NTNG1: variants seen among roughly 807,000 people sequenced by gnomAD.
NTNG1 encodes the protein netrin-G1.
In NTNG1, 16 loss-of-function variants were observed where a neutral mutation model predicts 54.0. That is an observed-to-expected ratio of 0.30 (90% confidence interval 0.20 to 0.45). The LOEUF (loss-of-function observed/expected upper bound fraction) is 0.45, where lower values mean the gene tolerates loss of function less well. Among genes scored for constraint, NTNG1 ranks in the 20% least tolerant of loss-of-function variants. NTNG1 has a pLI of 1.00. For synonymous variants in NTNG1, 255 were observed against 263.1 expected (o/e 0.97, Z 0.30); for missense variants, 530 against 678.7 (o/e 0.78, Z 2.43).
In NTNG1 at chr1:107,251,378, C is replaced by A. The variant is rs556315814; in HGVS notation, c.247-72904C>A. Among the ~76,000 whole-genome samples the A allele has an allele frequency of 7.2e-5, 11 of 152,286 alleles. No homozygotes were observed. In the South Asian group the frequency reaches 2.3e-3, roughly 32 times the overall value. On this transcript the variant is annotated intron_variant, in intron 2 of 7. Transcript: ENST00000370068. ...TAATCTTTGTTTCTCTACTTGTATT[C>A]CAGCCAAACCATTCCCCTTTTTGGC...
intron 3 of NTNG1, among the ~76,000 whole-genome samples, chr1:107,326,948 A>G (rs1667992011): frequency 6.6e-6 from 1 of 152,148 alleles, no homozygotes; most frequent in African/African-American, 2.4e-5. Context: ...TGTGTTGGAA[A>G]TGTAGATTCC....
intron 2 of NTNG1, among the ~76,000 whole-genome samples, chr1:107,185,362 G>T (rs144771618): frequency 4.3e-4 from 66 of 152,154 alleles, no homozygotes; most frequent in African/African-American, 1.5e-3. Context: ...GTGGTTGCTG[G>T]CGACCCCTGG....
intron 2 of NTNG1, among the ~76,000 whole-genome samples, chr1:107,226,906 T>C (rs1367338764): frequency 6.6e-6 from 1 of 152,102 alleles, no homozygotes; most frequent in Non-Finnish European, 1.5e-5. Flanking sequence ...TTTGGAATCT[T>C]AAGGATACTG....
At chr1:107,386,145 G>A (rs1400872038) in intron 3 of NTNG1, among the ~76,000 whole-genome samples, 45 of 46,526 alleles carry the variant, frequency 9.7e-4, no homozygotes, top group Non-Finnish European at 1.7e-3. Flanking sequence ...ATATATATAT[G>A]TGTGTATATA....
chr1:107,315,739 A>T (rs975029379), intron 2 of NTNG1, among the ~76,000 whole-genome samples: 5 of 152,090 alleles, frequency 3.3e-5, no homozygotes, highest in African/African-American at 1.2e-4. Context: ...ATATGTAATT[A>T]TATAATTGTT....
chr1:107,186,846 A>C (rs989397863), intron 2 of NTNG1, among the ~76,000 whole-genome samples: 2 of 152,200 alleles, frequency 1.3e-5, no homozygotes, highest in African/African-American at 4.8e-5. Flanking sequence ...GCCATGCCCC[A>C]GAACTAGACA....
intron 2 of NTNG1, among the ~76,000 whole-genome samples, chr1:107,165,808 C>G (rs1570745201): frequency 6.6e-6 from 1 of 152,232 alleles, no homozygotes; most frequent in Middle Eastern, 3.4e-3. Flanking sequence ...TTTATTATGT[C>G]AAAGTAACCT....
At chr1:107,386,088 T>C (rs1237178427) in intron 3 of NTNG1, among the ~76,000 whole-genome samples, 1 of 147,568 alleles carries the variant, frequency 6.8e-6, no homozygotes, top group East Asian at 1.9e-4. Context: ...TATATACTTA[T>C]ATGTATGTAT....
chr1:107,447,700 C>T (rs1358286270), intron 7 of NTNG1, among the ~76,000 whole-genome samples: 3 of 152,036 alleles, frequency 2.0e-5, no homozygotes, highest in Non-Finnish European at 2.9e-5. Context: ...ATGTTCAATA[C>T]GTCCTTTCAA....
At chr1:107,277,113 A>G (rs927254115) in intron 2 of NTNG1, among the ~76,000 whole-genome samples, 1 of 152,200 alleles carries the variant, frequency 6.6e-6, no homozygotes, top group Non-Finnish European at 1.5e-5. Flanking sequence ...AGAATGTTTC[A>G]AACAGCCAAT....
chr1:107,313,055 C>G (rs1667118888), intron 2 of NTNG1, among the ~76,000 whole-genome samples: 1 of 152,124 alleles, frequency 6.6e-6, no homozygotes, highest in African/African-American at 2.4e-5. Flanking sequence ...AATCTTCAGA[C>G]TCCTGACCAG....
intron 2 of NTNG1, among the ~76,000 whole-genome samples, chr1:107,309,516 T>C (rs989689328): frequency 1.3e-5 from 2 of 152,212 alleles, no homozygotes; most frequent in Admixed American, 6.5e-5. Context: ...TCATCTTTTA[T>C]TGACTATCTA....
chr1:107,470,572 T>G (rs1677918684), intron 7 of NTNG1, among the ~76,000 whole-genome samples: 1 of 152,248 alleles, frequency 6.6e-6, no homozygotes, highest in African/African-American at 2.4e-5. Flanking sequence ...CCTTTCATCC[T>G]GGCACAATGC....
intron 2 of NTNG1, among the ~76,000 whole-genome samples, chr1:107,323,862 T>G (rs1473933193): frequency 6.6e-6 from 1 of 152,086 alleles, no homozygotes; most frequent in African/African-American, 2.4e-5. Flanking sequence ...ATTCTAAAGC[T>G]TTGCTTGAAA....
intron 2 of NTNG1, among the ~76,000 whole-genome samples, chr1:107,317,999 G>T (rs1400666941): frequency 6.6e-6 from 1 of 152,176 alleles, no homozygotes; most frequent in Non-Finnish European, 1.5e-5. Context: ...ATGCATAGGT[G>T]CTTTTGTCAC....
At chr1:107,269,724 A>G (rs1200673970) in intron 2 of NTNG1, among the ~76,000 whole-genome samples, 1 of 152,234 alleles carries the variant, frequency 6.6e-6, no homozygotes, top group Non-Finnish European at 1.5e-5. Context: ...GTGTAGAGTA[A>G]GATTCTTATG....
intron 7 of NTNG1, among the ~76,000 whole-genome samples, chr1:107,444,074 G>A (rs1417036404): frequency 2.0e-5 from 3 of 152,058 alleles, no homozygotes; most frequent in Non-Finnish European, 2.9e-5. Context: ...ACTCCTGGGG[G>A]CAAAAAGGAT....
At chr1:107,170,214 A>C (rs886567126) in intron 2 of NTNG1, among the ~76,000 whole-genome samples, 1 of 152,186 alleles carries the variant, frequency 6.6e-6, no homozygotes, top group Non-Finnish European at 1.5e-5. Context: ...AATTATTTTT[A>C]AAGTGGATTA....
At chr1:107,450,569 T>A (rs558474291) in intron 7 of NTNG1, among the ~76,000 whole-genome samples, 1 of 152,052 alleles carries the variant, frequency 6.6e-6, no homozygotes, top group Non-Finnish European at 1.5e-5. Flanking sequence ...ATGATAATCA[T>A]GGCTCCTTCC....
Sources: gnomAD v4.1 joint callset for allele counts (sites outside exome capture counted in the v4.1 genomes callset) on GRCh38, gnomAD v4.1.1 for gene constraint, MANE v1.5 for transcripts, NCBI Gene and HGNC (gene_info 2026-07-23, HGNC 2026-07-21) for gene names.